DDR2: variants seen among roughly 807,000 people sequenced by gnomAD.
The protein encoded by DDR2 is discoidin domain-containing receptor 2.
A neutral mutation model predicts 94.9 loss-of-function variants in DDR2; 27 were observed. That is an observed-to-expected ratio of 0.28 (90% CI 0.21 to 0.39). The LOEUF is 0.39. DDR2 is among the 10% of genes least tolerant of loss of function. The probability of loss-of-function intolerance (pLI) is 1.00; values close to 1 mark genes in which losing one functional copy is unlikely to be tolerated. For missense variants in DDR2, 783 were observed against 1,076.0 expected, an observed-to-expected ratio of 0.73 and a Z score of 3.81; for synonymous variants, 382 against 377.2, an observed-to-expected ratio of 1.01 and a Z score of -0.15.
chr1:162,699,722 C>T (rs1284785610), intron 2 of DDR2, among the ~76,000 whole-genome samples: 3 of 77,488 alleles, frequency 3.9e-5, no homozygotes, highest in Non-Finnish European at 6.2e-5. Flanking sequence ...TATCTCCTTT[C>T]TGTAAGACTT....
intron 2 of DDR2, among the ~76,000 whole-genome samples, chr1:162,705,906 C>G (rs1177595731): frequency 6.6e-6 from 1 of 152,232 alleles, no homozygotes; most frequent in African/African-American, 2.4e-5. Context: ...TATCAGTGCT[C>G]TCATAAGCCC....
chr1:162,694,257 C>T (rs1660085789), intron 2 of DDR2, among the ~76,000 whole-genome samples: 1 of 152,206 alleles, frequency 6.6e-6, no homozygotes, highest in African/African-American at 2.4e-5. Context: ...GCTTTGCTCT[C>T]AGAGTAAATG....
chr1:162,656,245 C>T (rs1249359441), intron 2 of DDR2, among the ~76,000 whole-genome samples: 1 of 152,134 alleles, frequency 6.6e-6, no homozygotes, highest in Non-Finnish European at 1.5e-5. Flanking sequence ...GGATGCTCAG[C>T]GAGAGCCCTC....
intron 13 of DDR2, among the ~76,000 whole-genome samples, chr1:162,772,675 G>T (rs1162070783): frequency 6.6e-6 from 1 of 152,020 alleles, no homozygotes; most frequent in East Asian, 1.9e-4. Flanking sequence ...CCTCGCCCCT[G>T]CCTTTGGTCC....
intron 2 of DDR2, among the ~76,000 whole-genome samples, chr1:162,715,559 T>C (rs894955373): frequency 6.6e-6 from 1 of 151,966 alleles, no homozygotes; most frequent in Admixed American, 6.6e-5. Flanking sequence ...GGAGCCCAGA[T>C]CAAAGGATGA....
At chr1:162,741,182 T>TATAAC (rs1662569911) in intron 3 of DDR2, among the ~76,000 whole-genome samples, 10 of 103,700 alleles carry the variant, frequency 9.6e-5, no homozygotes, top group Admixed American at 9.3e-4. Flanking sequence ...TATAATATAA[T>TATAAC]ATAACATAAC....
At chr1:162,722,804 A>G (rs74756884) in intron 3 of DDR2, among the ~76,000 whole-genome samples, 421 of 152,304 alleles carry the variant, frequency 2.8e-3, no homozygotes, top group African/African-American at 9.6e-3. Flanking sequence ...TAGATAATCT[A>G]TGGGACCCTT....
intron 2 of DDR2, among the ~76,000 whole-genome samples, chr1:162,693,506 G>A (rs1385060131): frequency 1.3e-5 from 2 of 152,166 alleles, no homozygotes; most frequent in Non-Finnish European, 2.9e-5. Context: ...GGTACTGAGA[G>A]TGAAACAAAA....
At chr1:162,676,824 A>C (rs527508126) in intron 2 of DDR2, among the ~76,000 whole-genome samples, 2 of 152,332 alleles carry the variant, frequency 1.3e-5, no homozygotes, top group East Asian at 3.9e-4. Flanking sequence ...GCCAAGTTGC[A>C]CAGCTAGAAA....
chr1:162,673,606 T>A lies in DDR2; in HGVS notation c.-28+18232T>A, dbSNP rs574516384. Among the ~76,000 whole-genome samples the A allele has an allele frequency of 8.8e-4, 89 of 101,066 alleles. 1 individual carries two copies. The East Asian group carries it at 0.012, about 14-fold the overall frequency. The allele number at this position is 101,066 out of a possible 152,430, so 66.3% of individuals were successfully genotyped here. On this transcript the variant is annotated intron_variant, in intron 2 of 17. Transcript: ENST00000367921. ...GTGTGTGTGTGTGTATGTGTGTGTGTGTGAGAGAGAGAGAGAGAGAGAGAG... is the reference window on the plus strand; with the variant it reads ...GTGTGTGTGTGTGTATGTGTGTGTGAGTGAGAGAGAGAGAGAGAGAGAGAG...
At chr1:162,669,077 T>G (rs1282314810) in intron 2 of DDR2, among the ~76,000 whole-genome samples, 1 of 152,240 alleles carries the variant, frequency 6.6e-6, no homozygotes, top group East Asian at 1.9e-4. Context: ...TAACCTTTGC[T>G]CATGTCACAT....
chr1:162,716,491 A>G lies in DDR2; in HGVS notation c.-27-2546A>G, dbSNP rs16843868. 5.5e-3 allele frequency among the ~76,000 whole-genome samples: 830 copies of G among 152,278 alleles called. 8 individuals are homozygous for G. The highest frequency in any genetic ancestry group is 0.035 in the East Asian group (180 of 5,188). ...TCTGGGCATGTTTATTTAGGGACTT[A>G]TTTATGGAAATAGTGTTCCCGTTGC... On this transcript the variant is annotated intron_variant, in intron 2 of 17. Transcript: ENST00000367921.
chr1:162,631,831 G>T (rs1459860438), upstream of DDR2, among the ~76,000 whole-genome samples: 1 of 152,024 alleles, frequency 6.6e-6, no homozygotes, highest in African/African-American at 2.4e-5. Flanking sequence ...ATCCAGGACA[G>T]CAACAGACCC....
chr1:162,696,243 A>T (rs1454235803), intron 2 of DDR2, among the ~76,000 whole-genome samples: 2 of 151,712 alleles, frequency 1.3e-5, no homozygotes, highest in Admixed American at 1.3e-4. Context: ...AATAACACTA[A>T]AAGTTTCACC....
Position 162,668,939 on chromosome 1 carries a change from C to T in DDR2, c.-28+13565C>T, listed in dbSNP as rs189653395. ...GGGATGTGGAGAGATTTGACTTAGG[C>T]GCAGCAGAAACATTATCCATTCACA... On this transcript the variant is annotated intron_variant, in intron 2 of 17. Transcript: ENST00000367921. 3.3e-5 allele frequency among the ~76,000 whole-genome samples: 5 copies of T among 152,242 alleles called. No homozygotes were observed. The South Asian group carries it at 1.0e-3, about 32-fold the overall frequency.
In DDR2 at chr1:162,753,203, G is replaced by A. The variant is rs2102128128; in HGVS notation, c.185+6G>A. The A allele has an allele frequency of 1.9e-6, 3 of 1,612,220 alleles. No individual in the cohort carries two copies. Among genetic ancestry groups the A allele is most frequent in the Non-Finnish European group, 2.5e-6 (3 of 1,178,706 alleles). The stretch of plus-strand genomic sequence containing the variant: ...ACAGCTGCCAAATATGGAAGGTGAG[G>A]ATGGTTACATCAAGAAAGCCCATGT... On this transcript the variant is annotated splice_donor_region_variant and intron_variant, in intron 4 of 17. Transcript: ENST00000367921.
intron 2 of DDR2, among the ~76,000 whole-genome samples, chr1:162,684,402 A>T (rs1659557784): frequency 6.6e-6 from 1 of 152,050 alleles, no homozygotes; most frequent in Non-Finnish European, 1.5e-5. Context: ...TGAGGCCCTG[A>T]CTCCGCAAAC....
chr1:162,646,333 TCTTTC>T (rs1247925467), intron 1 of DDR2, among the ~76,000 whole-genome samples: 1 of 152,260 alleles, frequency 6.6e-6, no homozygotes, highest in Non-Finnish European at 1.5e-5. Flanking sequence ...TCATTTGTGG[TCTTTC>T]CTTTAAGTTC....
intron 2 of DDR2, among the ~76,000 whole-genome samples, chr1:162,696,021 T>A (rs981379600): frequency 1.3e-5 from 2 of 152,108 alleles, no homozygotes; most frequent in Non-Finnish European, 2.9e-5. Context: ...GAAAAGTAGA[T>A]CAATGAACTC....
Sources: gnomAD v4.1 joint callset for allele counts (sites outside exome capture counted in the v4.1 genomes callset) on GRCh38, gnomAD v4.1.1 for gene constraint, MANE v1.5 for transcripts, NCBI Gene and HGNC (gene_info 2026-07-23, HGNC 2026-07-21) for gene names.